The following SDK1 variants were observed in gnomAD, a reference collection of about 807,000 sequenced individuals.
The protein encoded by SDK1 is sidekick cell adhesion molecule 1.
SDK1 carries 157 observed loss-of-function variants against 245.5 expected under a neutral mutation model. That is an observed-to-expected ratio of 0.64 (90% confidence interval 0.56 to 0.73). SDK1 has a LOEUF of 0.73. SDK1 is among the 30% of genes least tolerant of loss of function. The pLI is 0.00. For missense variants in SDK1, 3,583 were observed against 3,002.3 expected (o/e 1.19, Z -4.52); for synonymous variants, 1,647 against 1,278.5 (o/e 1.29, Z -6.15).
At chr7:4,237,809 G>T (rs368983757) in intron 42 of SDK1, 25 bp downstream of exon 42, 6 of 1,613,058 alleles carry the variant, frequency 3.7e-6, no homozygotes, top group Admixed American at 3.3e-5. Context: ...CCTTCCTCGC[G>T]TGTCCCACGA....
At chr7:4,062,391 C>T (rs899379367) in intron 19 of SDK1, among the ~76,000 whole-genome samples, 3 of 151,088 alleles carry the variant, frequency 2.0e-5, no homozygotes, top group African/African-American at 7.4e-5. Flanking sequence ...ACACATACAA[C>T]CTACCAAGAT....
At chr7:4,251,554 G>T (rs185569162) in intron 44 of SDK1, among the ~76,000 whole-genome samples, 1 of 152,260 alleles carries the variant, frequency 6.6e-6, no homozygotes, top group Non-Finnish European at 1.5e-5. Context: ...CACTGCCCAG[G>T]GTTTTTATCG....
At position 4,266,690 on chromosome 7, in the gene SDK1, G is replaced by A. The variant is rs547685410; in HGVS notation, c.*1306G>A. The A allele has an allele frequency of 1.2e-4, 118 of 985,324 alleles. No individual in the cohort carries two copies. The highest frequency in any genetic ancestry group is 1.4e-4 in the Non-Finnish European group (114 of 829,950). The allele number at this position is 985,324 out of a possible 1,614,324, so 61.0% of individuals were successfully genotyped here. A position where few individuals can be genotyped will look rare whatever the true frequency, so the allele number is the denominator to read the frequency against. Reference sequence around the variant, plus strand: ...GATGGCCATGCCTCCAGCCCCTCACGTCATCTTTGCAACAGACGACTGGGC... The same window carrying A: ...GATGGCCATGCCTCCAGCCCCTCACATCATCTTTGCAACAGACGACTGGGC... On this transcript the variant is annotated 3_prime_UTR_variant, in exon 45 of 45. Coordinates refer to ENST00000404826, the MANE Select transcript of SDK1 (RefSeq NM_152744.4).
intron 4 of SDK1, among the ~76,000 whole-genome samples, chr7:3,725,108 C>A (rs796787091): frequency 2.0e-5 from 3 of 152,294 alleles, no homozygotes; most frequent in Admixed American, 6.5e-5. Context: ...AGAGCTGAAT[C>A]CTTTTTCAGT....
chr7:3,722,377 G>T (rs140759651), intron 4 of SDK1, among the ~76,000 whole-genome samples: 1 of 152,262 alleles, frequency 6.6e-6, no homozygotes, highest in Non-Finnish European at 1.5e-5. Context: ...TATGGCAGCC[G>T]CAAGGAAGGG....
chr7:3,896,926 G>A (rs1289036675), intron 5 of SDK1, among the ~76,000 whole-genome samples: 1 of 152,192 alleles, frequency 6.6e-6, no homozygotes, highest in East Asian at 1.9e-4. Context: ...TCACAGTCCT[G>A]CATGGCTGGG....
chr7:3,353,995 CT>C (rs533694234), intron 1 of SDK1, among the ~76,000 whole-genome samples: 344 of 138,924 alleles, frequency 2.5e-3, no homozygotes, highest in Non-Finnish European at 3.1e-3. Flanking sequence ...TTTTTCTTTT[CT>C]TTTTTTTTTT....
At position 4,017,332 on chromosome 7, in the gene SDK1, C is replaced by G. The variant is rs547257380; in HGVS notation, c.2582C>G (p.Thr861Ser). 6.9e-5 allele frequency: 111 copies of G among 1,611,752 alleles called. No homozygotes were observed. The South Asian group carries it at 1.1e-3, about 16-fold the overall frequency. The change falls in exon 17 of 45, where the codon ACC (threonine) becomes AGC (serine). Residue 861 changes from threonine (T) to serine (S), a missense_variant. Transcript: ENST00000404826. The part of the protein sequence containing the change: ...AGLGVFSRAV[T>S]EYTLQGVPTA... ...CTGGGCGTCTTCAGCAGGGCAGTGACCGAGTACACCTTGCAGGGAGGTAAG... is the reference window on the plus strand; with the variant it reads ...CTGGGCGTCTTCAGCAGGGCAGTGAGCGAGTACACCTTGCAGGGAGGTAAG...
At chr7:3,339,758 TATAAA>T (rs1290471662) in intron 1 of SDK1, among the ~76,000 whole-genome samples, 1 of 152,108 alleles carries the variant, frequency 6.6e-6, no homozygotes, top group Non-Finnish European at 1.5e-5. Context: ...ATAGCACTGT[TATAAA>T]TTAAGTTGAA....
intron 30 of SDK1, among the ~76,000 whole-genome samples, chr7:4,157,578 G>T (rs1425702412): frequency 6.6e-6 from 1 of 152,034 alleles, no homozygotes; most frequent in Non-Finnish European, 1.5e-5. Flanking sequence ...AGTGCTAACA[G>T]CAGAAGGCAC....
intron 4 of SDK1, among the ~76,000 whole-genome samples, chr7:3,738,713 T>C (rs1779390204): frequency 6.6e-6 from 1 of 152,180 alleles, no homozygotes. Context: ...TTCAGAAATC[T>C]TTTGTAGTTT....
chr7:3,863,849 G>T (rs1780755384), intron 5 of SDK1, among the ~76,000 whole-genome samples: 3 of 152,176 alleles, frequency 2.0e-5, no homozygotes, highest in South Asian at 4.1e-4. Context: ...CGGGCGCTTG[G>T]GTTGTTTCTG....
chr7:4,098,145 A>T (rs1782281301), intron 22 of SDK1, among the ~76,000 whole-genome samples: 1 of 152,186 alleles, frequency 6.6e-6, no homozygotes, highest in South Asian at 2.1e-4. Context: ...ATGGTGGAAA[A>T]GGGGCCTTTT....
chr7:3,765,621 G>T (rs1470058127), intron 4 of SDK1, among the ~76,000 whole-genome samples: 2 of 152,080 alleles, frequency 1.3e-5, no homozygotes, highest in Admixed American at 6.6e-5. Flanking sequence ...TCTACATCCA[G>T]ACATACTCAT....
chr7:3,959,548 G>A (rs559806621), intron 8 of SDK1, among the ~76,000 whole-genome samples: 2 of 152,296 alleles, frequency 1.3e-5, no homozygotes, highest in South Asian at 2.1e-4. Flanking sequence ...CCCTGTACCC[G>A]TTAAGTAATT....
At chr7:3,968,781 A>G (rs188947050) in intron 10 of SDK1, among the ~76,000 whole-genome samples, 209 of 152,170 alleles carry the variant, frequency 1.4e-3, no homozygotes, top group African/African-American at 4.9e-3. Context: ...TACAATTTTC[A>G]CTTTATTCTG....
intron 1 of SDK1, among the ~76,000 whole-genome samples, chr7:3,548,893 G>C (rs1779313685): frequency 6.6e-6 from 1 of 152,154 alleles, no homozygotes; most frequent in Non-Finnish European, 1.5e-5. Context: ...TTTGACCTCA[G>C]ATATCTCCTT....
chr7:3,882,417 C>G (rs967697192), intron 5 of SDK1, among the ~76,000 whole-genome samples: 3 of 152,224 alleles, frequency 2.0e-5, no homozygotes, highest in African/African-American at 7.2e-5. Context: ...CGGGAGGCCC[C>G]TCTTTCTCTT....
intron 29 of SDK1, among the ~76,000 whole-genome samples, chr7:4,146,763 C>T (rs1012603419): frequency 1.4e-4 from 21 of 152,252 alleles, no homozygotes; most frequent in African/African-American, 4.6e-4. Flanking sequence ...GCTCCACGCA[C>T]GGAGACAGGT....
Sources: allele counts gnomAD v4.1 joint callset (sites outside exome capture counted in the v4.1 genomes callset), GRCh38; gene constraint gnomAD v4.1.1; transcripts MANE v1.5; gene names NCBI Gene and HGNC (gene_info 2026-07-23, HGNC 2026-07-21).